The following MTUS2 variants were observed in gnomAD, a reference collection of about 807,000 sequenced individuals.
MTUS2 encodes microtubule associated scaffold protein 2.
MTUS2 carries 40 observed loss-of-function variants against 114.1 expected under a neutral mutation model. The ratio of observed to expected loss-of-function variants is 0.35; its 90% CI spans 0.27 to 0.46. The LOEUF is 0.46. MTUS2 is among the 20% of genes least tolerant of loss of function. MTUS2 has a pLI of 1.00. For missense variants in MTUS2, 1,679 were observed against 1,705.4 expected, an observed-to-expected ratio of 0.98 and a Z score of 0.27; for synonymous variants, 688 against 672.0, an observed-to-expected ratio of 1.02 and a Z score of -0.37.
chr13:29,357,608 G>A lies in MTUS2; in HGVS notation c.2906-1654G>A, dbSNP rs76050818. 1.4e-3 allele frequency among the ~76,000 whole-genome samples: 217 copies of A among 152,278 alleles called. 7 individuals carry two copies. The East Asian group carries it at 0.033, about 23-fold the overall frequency. ...CACCTTTTCTTGATGATGTTTAGTTGGTAGTCATATTTGTTTTGTTTTCAG... is the reference window on the plus strand; with the variant it reads ...CACCTTTTCTTGATGATGTTTAGTTAGTAGTCATATTTGTTTTGTTTTCAG... On this transcript the variant is annotated intron_variant, in intron 7 of 15. Transcript: ENST00000612955.
At chr13:29,348,389 G>A (rs28450155) in intron 7 of MTUS2, among the ~76,000 whole-genome samples, 122,697 of 151,480 alleles carry the variant, frequency 0.81, 50,595 homozygotes, top group East Asian at 0.9. Flanking sequence ...TGTGTCAGAA[G>A]TTGGGGACAG....
chr13:29,344,302 T>C (rs1241915026), intron 7 of MTUS2, among the ~76,000 whole-genome samples: 1 of 152,144 alleles, frequency 6.6e-6, no homozygotes, highest in Non-Finnish European at 1.5e-5. Context: ...TTAGGTCTAA[T>C]AGTAAATGTT....
At chr13:29,269,761 C>T (rs1046031446) in intron 5 of MTUS2, among the ~76,000 whole-genome samples, 7 of 152,164 alleles carry the variant, frequency 4.6e-5, no homozygotes, top group African/African-American at 7.2e-5. Context: ...TTTACACTCT[C>T]ATGTTCATTG....
At chr13:29,452,600 G>A (rs1220821014) in intron 9 of MTUS2, among the ~76,000 whole-genome samples, 6,685 of 149,052 alleles carry the variant, frequency 0.045, 195 homozygotes, top group South Asian at 0.063. Flanking sequence ...GTGTGTGTGT[G>A]TGTGTGTATA....
chr13:28,879,856 G>A (rs188068540), intron 2 of MTUS2, among the ~76,000 whole-genome samples: 1 of 152,110 alleles, frequency 6.6e-6, no homozygotes, highest in Admixed American at 6.5e-5. Context: ...ATGGCTTTCA[G>A]GGTCAATGTT....
intron 2 of MTUS2, among the ~76,000 whole-genome samples, chr13:28,940,465 G>A (rs369526134): frequency 8.5e-5 from 13 of 152,074 alleles, no homozygotes; most frequent in African/African-American, 2.7e-4. Flanking sequence ...GGGGAGAAGG[G>A]GCGTGGGAAG....
chr13:28,913,340 T>C (rs1880560179), intron 2 of MTUS2, among the ~76,000 whole-genome samples: 1 of 152,116 alleles, frequency 6.6e-6, no homozygotes, highest in Non-Finnish European at 1.5e-5. Flanking sequence ...TGAATTTTAT[T>C]GAAGTCCTTT....
At chr13:29,303,899 C>A (rs1234816488) in intron 6 of MTUS2, among the ~76,000 whole-genome samples, 1 of 152,110 alleles carries the variant, frequency 6.6e-6, no homozygotes, top group South Asian at 2.1e-4. Flanking sequence ...AAGGCCAGGT[C>A]ACCTACAAAG....
intron 5 of MTUS2, among the ~76,000 whole-genome samples, chr13:29,216,600 T>A (rs1350773550): frequency 6.6e-6 from 1 of 152,176 alleles, no homozygotes; most frequent in Non-Finnish European, 1.5e-5. Flanking sequence ...ATGGCTTCCC[T>A]TGGCTATGGG....
At chr13:28,897,554 A>G (rs1270038919) in intron 2 of MTUS2, among the ~76,000 whole-genome samples, 1 of 152,198 alleles carries the variant, frequency 6.6e-6, no homozygotes, top group African/African-American at 2.4e-5. Context: ...CTGGGTATAT[A>G]CCCAAAGGAC....
rs1234559773 is a variant in MTUS2 at position 29,389,573 on chromosome 13, A to ACACG, written c.3117+30100_3117+30101insCACG. ...TATACACGTGTGTATATGTGTACAT[A>ACACG]TGTGTGTATACGTATACATATGTGT... On this transcript the variant is annotated intron_variant, in intron 8 of 15. Coordinates refer to ENST00000612955, the MANE Select transcript of MTUS2 (RefSeq NM_001033602.4). Among the ~76,000 whole-genome samples the ACACG allele has an allele frequency of 1.1e-4, 12 of 110,644 alleles. 1 individual carries two copies. The highest frequency in any genetic ancestry group is 3.0e-4 in the South Asian group (1 of 3,300). 72.6% of individuals were successfully genotyped at this position (110,644 alleles called of 152,430 possible). A position where few individuals can be genotyped will look rare whatever the true frequency, so the allele number is the denominator to read the frequency against.
intron 3 of MTUS2, among the ~76,000 whole-genome samples, chr13:29,028,336 C>T (rs781588216): frequency 3.0e-5 from 4 of 134,056 alleles, no homozygotes; most frequent in African/African-American, 6.1e-5. Context: ...GGCAACAGAG[C>T]GCGACTCAGT....
intron 2 of MTUS2, among the ~76,000 whole-genome samples, chr13:28,845,492 T>A (rs1875811256): frequency 6.6e-6 from 1 of 152,218 alleles, no homozygotes; most frequent in Non-Finnish European, 1.5e-5. Context: ...TTACCTAGTC[T>A]TTTGCTTATT....
chr13:29,076,255 T>C (rs1030467507), intron 4 of MTUS2, among the ~76,000 whole-genome samples: 1 of 152,236 alleles, frequency 6.6e-6, no homozygotes, highest in African/African-American at 2.4e-5. Context: ...ACTCATTGCC[T>C]GGCTTCAAAG....
intron 2 of MTUS2, among the ~76,000 whole-genome samples, chr13:28,933,123 A>G (rs1881706195): frequency 4.0e-5 from 1 of 25,026 alleles, no homozygotes; most frequent in Non-Finnish European, 1.2e-4. Context: ...ATCAGAACAC[A>G]CACACACACA....
At chr13:29,134,661 G>A (rs993505673) in intron 5 of MTUS2, among the ~76,000 whole-genome samples, 10 of 152,046 alleles carry the variant, frequency 6.6e-5, no homozygotes, top group Admixed American at 3.3e-4. Flanking sequence ...GCAATGGCAC[G>A]GTCTTGGCTC....
intron 4 of MTUS2, among the ~76,000 whole-genome samples, chr13:29,062,803 T>G (rs1005939057): frequency 3.9e-5 from 6 of 152,194 alleles, no homozygotes; most frequent in African/African-American, 1.2e-4. Context: ...AGGATCCTCC[T>G]AGTGTTTCTG....
chr13:29,371,099 G>T (rs902137087), intron 8 of MTUS2, among the ~76,000 whole-genome samples: 3 of 152,124 alleles, frequency 2.0e-5, no homozygotes. Context: ...TCAAAAATCT[G>T]CTGAAAAGCT....
chr13:29,109,917 G>C (rs1890815675), intron 5 of MTUS2, among the ~76,000 whole-genome samples: 1 of 152,202 alleles, frequency 6.6e-6, no homozygotes, highest in Non-Finnish European at 1.5e-5. Context: ...CATATATGGT[G>C]AATAACCTTC....
Sources: allele counts gnomAD v4.1 joint callset (sites outside exome capture counted in the v4.1 genomes callset), GRCh38; gene constraint gnomAD v4.1.1; transcripts MANE v1.5; gene names NCBI Gene and HGNC (gene_info 2026-07-23, HGNC 2026-07-21).